Variants in DSCAM observed in about 807,000 individuals in gnomAD.
DSCAM encodes the protein DS cell adhesion molecule.
In DSCAM, 47 loss-of-function variants were observed where a neutral mutation model predicts 217.7. The observed-to-expected ratio is 0.22, with a 90% CI of 0.17 to 0.28. The LOEUF is 0.28. Ranked by LOEUF, DSCAM falls within the 10% of genes least tolerant of loss-of-function variation. The probability of loss-of-function intolerance (pLI) is 1.00; values close to 1 mark genes in which losing one functional copy is unlikely to be tolerated. For missense variants in DSCAM, 2,080 were observed against 2,618.3 expected (o/e 0.79, Z 4.49); for synonymous variants, 1,056 against 1,015.3 (o/e 1.04, Z -0.76).
chr21:40,597,059 T>C (rs993715718), intron 3 of DSCAM, among the ~76,000 whole-genome samples: 1 of 152,178 alleles, frequency 6.6e-6, no homozygotes, highest in African/African-American at 2.4e-5. Flanking sequence ...TTACAAATAT[T>C]TTTGCTAGTT....
intron 24 of DSCAM, 59 bp from the exon 25 acceptor site, chr21:40,080,399 C>T: frequency 3.6e-6 from 5 of 1,380,426 alleles, no homozygotes; most frequent in Non-Finnish European, 4.9e-6. Flanking sequence ...GGGAAGTGGA[C>T]TGATGCTTGC....
intron 3 of DSCAM, among the ~76,000 whole-genome samples, chr21:40,409,089 A>G (rs1378643220): frequency 2.6e-5 from 4 of 152,212 alleles, no homozygotes; most frequent in African/African-American, 7.2e-5. Flanking sequence ...TAATTTAAAT[A>G]CCTAAGGGTG....
chr21:40,347,579 G>T (rs570492154), intron 6 of DSCAM, 91 bp downstream of exon 6: 58 of 1,544,708 alleles, frequency 3.8e-5, no homozygotes, highest in Non-Finnish European at 4.9e-5. Flanking sequence ...AGAACTGAGC[G>T]ATCAGCACTG....
rs548696215 is a variant in DSCAM at position 40,519,493 on chromosome 21, C to T, written c.509-150248G>A. 2.9e-3 allele frequency among the ~76,000 whole-genome samples: 435 copies of T among 152,238 alleles called. 2 individuals carry two copies. The highest frequency in any genetic ancestry group is 9.9e-3 in the African/African-American group (412 of 41,540). ...AAAGACACCTGAGAGAGACCCCTTG[C>T]CCCTTTGGCCATCTGAGGATAAAGC... On this transcript the variant is annotated intron_variant, in intron 3 of 32. Coordinates refer to ENST00000400454, the MANE Select transcript of DSCAM (RefSeq NM_001389.5).
intron 3 of DSCAM, among the ~76,000 whole-genome samples, chr21:40,505,245 C>T (rs1457426031): frequency 6.6e-6 from 1 of 152,214 alleles, no homozygotes; most frequent in East Asian, 1.9e-4. Flanking sequence ...GGTTCAAAAA[C>T]TGCCAGAGAT....
chr21:40,174,335 A>C (rs988925732), intron 15 of DSCAM, among the ~76,000 whole-genome samples: 2 of 152,142 alleles, frequency 1.3e-5, no homozygotes, highest in Non-Finnish European at 2.9e-5. Context: ...TTGGGGTTGG[A>C]GCAATGAGAT....
chr21:40,115,460 T>C (rs1041044083), intron 20 of DSCAM, among the ~76,000 whole-genome samples: 2 of 152,156 alleles, frequency 1.3e-5, no homozygotes, highest in Non-Finnish European at 1.5e-5. Context: ...ATATACCTAA[T>C]GTTAAATGAC....
At chr21:40,737,143 T>G (rs1457142138) in intron 1 of DSCAM, among the ~76,000 whole-genome samples, 1 of 152,228 alleles carries the variant, frequency 6.6e-6, no homozygotes, top group Non-Finnish European at 1.5e-5. Flanking sequence ...TTCTTATTTT[T>G]ACTAATGGAT....
chr21:40,342,470 T>G (rs1052682428), intron 6 of DSCAM, among the ~76,000 whole-genome samples: 3 of 151,648 alleles, frequency 2.0e-5, no homozygotes, highest in African/African-American at 4.8e-5. Context: ...TTATACTTTA[T>G]ATTCAATTCT....
chr21:40,109,717 C>G (rs1395050810), intron 20 of DSCAM, among the ~76,000 whole-genome samples: 1 of 152,194 alleles, frequency 6.6e-6, no homozygotes, highest in Non-Finnish European at 1.5e-5. Flanking sequence ...TCACTCCCAC[C>G]CTAATACTGC....
At chr21:40,420,587 T>C (rs936358151) in intron 3 of DSCAM, among the ~76,000 whole-genome samples, 1 of 152,200 alleles carries the variant, frequency 6.6e-6, no homozygotes, top group Non-Finnish European at 1.5e-5. Flanking sequence ...TGTATGTTCA[T>C]GTCCTACCAC....
intron 11 of DSCAM, among the ~76,000 whole-genome samples, chr21:40,221,863 G>A (rs530047669): frequency 1.3e-5 from 2 of 152,268 alleles, no homozygotes; most frequent in Admixed American, 6.5e-5. Context: ...GAGGGTGTGC[G>A]TTTTTAACAT....
intron 3 of DSCAM, among the ~76,000 whole-genome samples, chr21:40,617,119 CTTTTTTTTTTT>C (rs1178735630): frequency 8.9e-6 from 1 of 112,670 alleles, no homozygotes; most frequent in Admixed American, 9.2e-5. Context: ...CAGAACCAGT[CTTTTTTTTTTT>C]TTTTTTTTTT....
intron 4 of DSCAM, among the ~76,000 whole-genome samples, chr21:40,358,037 G>T (rs561595291): frequency 6.6e-6 from 1 of 152,250 alleles, no homozygotes; most frequent in African/African-American, 2.4e-5. Context: ...GTTGGAGAAG[G>T]TGGCACAAAG....
chr21:40,388,218 G>T (rs1363238187), intron 3 of DSCAM, among the ~76,000 whole-genome samples: 1 of 152,200 alleles, frequency 6.6e-6, no homozygotes. Flanking sequence ...ACTCAATAAT[G>T]AGATGCAAAA....
At chr21:40,107,603 T>A (rs1013648159) in intron 20 of DSCAM, among the ~76,000 whole-genome samples, 3 of 152,148 alleles carry the variant, frequency 2.0e-5, no homozygotes, top group African/African-American at 7.2e-5. Flanking sequence ...CAGTGGGGTG[T>A]TAAAGTCTCC....
chr21:40,700,625 T>C (rs552025855), intron 2 of DSCAM, among the ~76,000 whole-genome samples: 11 of 152,330 alleles, frequency 7.2e-5, no homozygotes, highest in Admixed American at 5.9e-4. Context: ...AGTTTTCTTA[T>C]GTCTTGTTTA....
intron 15 of DSCAM, among the ~76,000 whole-genome samples, chr21:40,172,968 G>A: frequency 6.6e-6 from 1 of 152,066 alleles, no homozygotes; most frequent in East Asian, 1.9e-4. Context: ...AAGAATAGCT[G>A]GTGCCCAGAT....
intron 3 of DSCAM, among the ~76,000 whole-genome samples, chr21:40,452,865 C>A (rs1270020008): frequency 6.6e-6 from 1 of 152,026 alleles, no homozygotes; most frequent in Non-Finnish European, 1.5e-5. Context: ...CTGTAAAATT[C>A]TGGCTTGGGC....
Sources: gnomAD v4.1 joint callset for allele counts (sites outside exome capture counted in the v4.1 genomes callset) on GRCh38, gnomAD v4.1.1 for gene constraint, MANE v1.5 for transcripts, NCBI Gene and HGNC (gene_info 2026-07-23, HGNC 2026-07-21) for gene names.